REPS2: variants seen among roughly 807,000 people sequenced by gnomAD.
REPS2 encodes the protein ralBP1-associated Eps domain-containing protein 2.
REPS2 carries 23 observed loss-of-function variants against 53.6 expected under a neutral mutation model. That is an observed-to-expected ratio of 0.43 (90% CI 0.31 to 0.61). The LOEUF (loss-of-function observed/expected upper bound fraction) is 0.61, where lower values mean the gene tolerates loss of function less well. REPS2 is among the 20% of genes least tolerant of loss of function. REPS2 has a pLI of 0.11. For synonymous variants in REPS2, 238 were observed against 218.6 expected (o/e 1.09, Z -0.78); for missense variants, 446 against 534.9 (o/e 0.83, Z 1.64).
the REPS2 span, among the ~76,000 whole-genome samples, chrX:17,171,516 A>G: frequency 9.0e-6 from 1 of 111,457 alleles, no homozygotes; most frequent in Middle Eastern, 4.6e-3. Flanking sequence ...CTGAACATAT[A>G]TGCCATAATT....
Position 17,107,881 on chromosome X carries a change from A to AT in REPS2, c.1578+4102_1578+4103insT, listed in dbSNP as rs758670283. Among the ~76,000 whole-genome samples, 22 of 111,759 alleles carry AT rather than the reference A, an allele frequency of 2.0e-4. 1 individual carries two copies. In the South Asian group the frequency reaches 8.0e-3, roughly 41 times the overall value. On this transcript the variant is annotated intron_variant, in intron 14 of 17. Coordinates refer to ENST00000357277, the MANE Select transcript of REPS2 (RefSeq NM_004726.3). ...TAAATAACCAAAAAGCAATTAAAGT[A>AT]AACTATTTCATATAGAGCAGTGCAT...
chrX:17,052,557 C>A, intron 7 of REPS2, 112 bp downstream of exon 7: 1 of 520,283 alleles, frequency 1.9e-6, no homozygotes, highest in Non-Finnish European at 3.0e-6. Context: ...TTTTAACAGA[C>A]TACAGGAGTG....
At chrX:17,064,493 C>T (rs2062200903) in intron 9 of REPS2, among the ~76,000 whole-genome samples, 1 of 111,971 alleles carries the variant, frequency 8.9e-6, no homozygotes. Context: ...CTTAGTGATA[C>T]ATCTTTTTCT....
intron 5 of REPS2, among the ~76,000 whole-genome samples, chrX:17,043,397 G>A (rs945512946): frequency 2.7e-5 from 3 of 111,139 alleles, no homozygotes; most frequent in Non-Finnish European, 3.8e-5. Flanking sequence ...CTGTAGGGGT[G>A]GGAGTTCTTG....
intron 5 of REPS2, among the ~76,000 whole-genome samples, chrX:17,040,786 C>T (rs1271779413): frequency 8.9e-6 from 1 of 111,930 alleles, no homozygotes; most frequent in African/African-American, 3.2e-5. Flanking sequence ...AATCAGCATC[C>T]TGGTCCTATA....
rs149477102 is a variant in REPS2, at chrX:17,014,417, C to T, written c.398-7706C>T. On this transcript the variant is annotated intron_variant, in intron 2 of 17. Transcript: ENST00000357277. ...ACCCTTCCCATTGTAACCTCCACCC[C>T]GCCATCTAGCGATTACCTACCCATT... Among the ~76,000 whole-genome samples, 888 of 111,527 alleles carry T rather than the reference C, an allele frequency of 8.0e-3. 13 individuals are homozygous for T. The highest frequency in any genetic ancestry group is 0.028 in the African/African-American group (860 of 30,685).
chrX:16,999,172 C>T (rs1337012755), intron 1 of REPS2, among the ~76,000 whole-genome samples: 6 of 111,651 alleles, frequency 5.4e-5, no homozygotes, highest in Non-Finnish European at 1.1e-4. Context: ...TAAGTGTTTT[C>T]TAGTTTTCTA....
downstream of REPS2, among the ~76,000 whole-genome samples, chrX:17,153,635 G>C (rs2063588816): frequency 8.9e-6 from 1 of 111,803 alleles, no homozygotes; most frequent in African/African-American, 3.3e-5. Flanking sequence ...GGATCAGAAA[G>C]AGTTGGCTTG....
chrX:17,185,488 T>C, the REPS2 span, among the ~76,000 whole-genome samples: 1 of 111,838 alleles, frequency 8.9e-6, no homozygotes, highest in Non-Finnish European at 1.9e-5. Flanking sequence ...AGCAGAACTT[T>C]GGCCCTGGTC....
the REPS2 span, among the ~76,000 whole-genome samples, chrX:17,163,863 A>T: frequency 8.9e-6 from 1 of 112,211 alleles, no homozygotes; most frequent in Admixed American, 9.4e-5. Flanking sequence ...ACATCAAGAA[A>T]TAAAGAACAC....
chrX:17,180,897 C>T, the REPS2 span, among the ~76,000 whole-genome samples: 1 of 111,996 alleles, frequency 8.9e-6, no homozygotes, highest in East Asian at 2.8e-4. Flanking sequence ...GATTGTTACC[C>T]AGGCAGTCTG....
At chrX:17,016,765 T>C (rs943197738) in intron 2 of REPS2, among the ~76,000 whole-genome samples, 21 of 100,699 alleles carry the variant, frequency 2.1e-4, no homozygotes, top group Admixed American at 7.7e-4. Flanking sequence ...TTTTTCTTTT[T>C]TTTTTTTTTT....
rs745732798 is a variant in REPS2, at chrX:17,067,737, G to A, written c.1210-665G>A. Among the ~76,000 whole-genome samples the A allele has an allele frequency of 3.6e-5, 4 of 111,925 alleles. No homozygotes were observed. The South Asian group carries it at 1.5e-3, about 42-fold the overall frequency. On this transcript the variant is annotated intron_variant, in intron 9 of 17. Coordinates refer to ENST00000357277, the MANE Select transcript of REPS2 (RefSeq NM_004726.3). ...ACAGATCTTGGCAAACACCCACATT[G>A]TGGGGCCACTTGTCAGAACTTCTTT...
At chrX:17,154,345 T>C (rs745632225), downstream of REPS2, among the ~76,000 whole-genome samples, 1 of 112,294 alleles carries the variant, frequency 8.9e-6, no homozygotes, top group South Asian at 3.7e-4. Context: ...TCCTCCTGTT[T>C]AACTGCACTG....
At chrX:17,096,683 GA>G (rs2062708426) in intron 13 of REPS2, among the ~76,000 whole-genome samples, 1 of 71,152 alleles carries the variant, frequency 1.4e-5, no homozygotes, top group South Asian at 7.9e-4. Context: ...AAAAAAAAAA[GA>G]AAAGAAAAGA....
At chrX:17,098,958 T>G (rs758344405) in intron 13 of REPS2, among the ~76,000 whole-genome samples, 1 of 111,687 alleles carries the variant, frequency 9.0e-6, no homozygotes, top group Non-Finnish European at 1.9e-5. Flanking sequence ...TTTCAGGAAT[T>G]AGCACCTCTG....
At chrX:17,067,879 A>G (rs1040270346) in intron 9 of REPS2, among the ~76,000 whole-genome samples, 5 of 112,105 alleles carry the variant, frequency 4.5e-5, no homozygotes, top group Admixed American at 1.9e-4. Flanking sequence ...ATGTGCCTTA[A>G]TCTGAATCAT....
At chrX:17,049,832 T>C (rs2061955545) in intron 6 of REPS2, among the ~76,000 whole-genome samples, 1 of 111,509 alleles carries the variant, frequency 9.0e-6, no homozygotes, top group Non-Finnish European at 1.9e-5. Flanking sequence ...AAGGTTAAAA[T>C]AAATTTTAAA....
chrX:16,996,373 G>T (rs1401309789), intron 1 of REPS2, among the ~76,000 whole-genome samples: 1 of 111,682 alleles, frequency 9.0e-6, no homozygotes, highest in Non-Finnish European at 1.9e-5. Flanking sequence ...CCATGGTGAT[G>T]CAGGGGACCT....
Sources: allele counts gnomAD v4.1 joint callset (sites outside exome capture counted in the v4.1 genomes callset), GRCh38; gene constraint gnomAD v4.1.1; transcripts MANE v1.5; gene names NCBI Gene and HGNC (gene_info 2026-07-23, HGNC 2026-07-21).